FBLN1: variants seen among roughly 807,000 people sequenced by gnomAD.
FBLN1 encodes fibulin-1.
A neutral mutation model predicts 89.7 loss-of-function variants in FBLN1; 34 were observed. The ratio of observed to expected loss-of-function variants is 0.38; its 90% CI spans 0.29 to 0.50. The LOEUF (loss-of-function observed/expected upper bound fraction) is 0.50, where lower values mean the gene tolerates loss of function less well. FBLN1 is among the 20% of genes least tolerant of loss of function. FBLN1 has a pLI of 0.92. For synonymous variants in FBLN1, 393 were observed against 391.3 expected (o/e 1.00, Z -0.05); for missense variants, 777 against 988.1 (o/e 0.79, Z 2.86).
intron 2 of FBLN1, among the ~76,000 whole-genome samples, chr22:45,519,898 G>A (rs1043194431): frequency 2.3e-4 from 35 of 152,084 alleles, no homozygotes; most frequent in African/African-American, 6.5e-4. Context: ...ACCCGGGCGC[G>A]GTGGCTCACC....
intron 11 of FBLN1, among the ~76,000 whole-genome samples, chr22:45,546,685 G>A (rs566515802): frequency 4.6e-5 from 7 of 152,362 alleles, no homozygotes; most frequent in Middle Eastern, 3.4e-3. Flanking sequence ...GAGTACTGGC[G>A]TATGGGCTGG....
In FBLN1 at chr22:45,581,970, G is replaced by A. The variant is rs1365539108; in HGVS notation, c.1972+4862G>A. 6.6e-6 allele frequency among the ~76,000 whole-genome samples: 1 copy of A among 152,164 alleles called. No homozygotes were observed. Among genetic ancestry groups the A allele is most frequent in the Admixed American group, 6.5e-5 (1 of 15,286 alleles). ...CTGTCCTGGGGACCACGGGAGCCAC[G>A]GGAGGTCTGTGCTGCCCATGGAGCT... is the stretch of plus-strand genomic sequence containing the variant. On this transcript the variant is annotated intron_variant, in intron 16 of 16. Transcript: ENST00000327858. The surrounding 1 kb of genome is among the most constrained non-coding windows in gnomAD (Gnocchi z 7.6).
intron 16 of FBLN1, among the ~76,000 whole-genome samples, chr22:45,586,822 G>C (rs992816448): frequency 6.6e-6 from 1 of 152,096 alleles, no homozygotes; most frequent in Non-Finnish European, 1.5e-5. Flanking sequence ...GAGTCAGCCC[G>C]AGGGCCCAGG....
At chr22:45,544,160 C>T (rs1406975199) in intron 11 of FBLN1, among the ~76,000 whole-genome samples, 1 of 151,988 alleles carries the variant, frequency 6.6e-6, no homozygotes, top group East Asian at 1.9e-4. Flanking sequence ...GATCTCGGCT[C>T]ACTGCAACCT....
At chr22:45,593,271 G>C (rs2089155126) in intron 16 of FBLN1, among the ~76,000 whole-genome samples, 1 of 151,688 alleles carries the variant, frequency 6.6e-6, no homozygotes, top group African/African-American at 2.4e-5. Context: ...CGAGAATGTG[G>C]ACCACAGAGC....
At position 45,563,411 on chromosome 22, in the gene FBLN1, T is replaced by C; in HGVS notation, c.1698-11100T>C. On this transcript the variant is annotated intron_variant, in intron 14 of 16. Transcript: ENST00000327858. This position sits in a 1 kb window ranked among gnomAD's most constrained non-coding sequence, Gnocchi z 5.7. ...TGGCATGGTTGGGAGTCTGTGCCGCTTGTTACCCGGGGGTGAGCTGGGCAC... is the reference window on the plus strand; with the variant it reads ...TGGCATGGTTGGGAGTCTGTGCCGCCTGTTACCCGGGGGTGAGCTGGGCAC... 6.6e-7 allele frequency: 1 copy of C among 1,507,758 alleles called. No individual in the cohort carries two copies. Among genetic ancestry groups the C allele is most frequent in the Non-Finnish European group, 8.9e-7 (1 of 1,129,382 alleles). The allele number at this position is 1,507,758 out of a possible 1,614,324, so 93.4% of individuals were successfully genotyped here.
chr22:45,596,336 C>T (rs950635734), intron 16 of FBLN1, among the ~76,000 whole-genome samples: 2 of 152,178 alleles, frequency 1.3e-5, no homozygotes, highest in Non-Finnish European at 2.9e-5. Flanking sequence ...ACATGGAGCT[C>T]ACTGCATGAG....
At chr22:45,560,597 A>T (rs1430445229) in intron 14 of FBLN1, among the ~76,000 whole-genome samples, 1 of 152,202 alleles carries the variant, frequency 6.6e-6, no homozygotes, top group African/African-American at 2.4e-5. Context: ...GCAACATTAA[A>T]TGCAGAGTCC....
intron 16 of FBLN1, among the ~76,000 whole-genome samples, chr22:45,593,660 C>T (rs1231949636): frequency 3.3e-5 from 5 of 152,174 alleles, no homozygotes; most frequent in African/African-American, 4.8e-5. Flanking sequence ...TTTGTCCTGC[C>T]TTTTACTGCT....
rs79955674 is a variant in FBLN1 at position 45,541,071 on chromosome 22, C to G, written c.923-158C>G. On this transcript the variant is annotated intron_variant, in intron 8 of 16. Transcript: ENST00000327858. The stretch of plus-strand genomic sequence containing the variant: ...TGCAGTGATAAAATTTGGGAGCCAG[C>G]TGGGAGGCGGCTGTGTGGTCCAGAG... Among the ~76,000 whole-genome samples the G allele has an allele frequency of 7.1e-3, 1,074 of 152,308 alleles. 9 individuals carry two copies. The highest frequency in any genetic ancestry group is 0.023 in the African/African-American group (973 of 41,586).
chr22:45,521,699 G>A (rs1248239816), intron 2 of FBLN1, among the ~76,000 whole-genome samples: 1 of 152,274 alleles, frequency 6.6e-6, no homozygotes, highest in Non-Finnish European at 1.5e-5. Flanking sequence ...GGGGGTCCTC[G>A]GGTGAGCAGG....
At chr22:45,570,339 AGAAAAGAAAAGAAAAG>A (rs2088941671) in intron 14 of FBLN1, among the ~76,000 whole-genome samples, 3 of 78,180 alleles carry the variant, frequency 3.8e-5, no homozygotes, top group Middle Eastern at 8.5e-3. Flanking sequence ...AAAAAAAAAA[AGAAAAGAAAAGAAAAG>A]AAAAAAAAAA....
At chr22:45,599,364 T>G (rs2089211980) in intron 16 of FBLN1, among the ~76,000 whole-genome samples, 1 of 152,194 alleles carries the variant, frequency 6.6e-6, no homozygotes, top group Admixed American at 6.5e-5. Flanking sequence ...TCACAAACAC[T>G]GAACAGTGAG....
At chr22:45,565,007 C>T in intron 14 of FBLN1, 1 of 1,613,402 alleles carries the variant, frequency 6.2e-7, no homozygotes, top group Non-Finnish European at 8.5e-7. Flanking sequence ...GAAGATGGAC[C>T]TGGACAGACA....
chr22:45,571,468 C>T (rs1165923233), intron 14 of FBLN1, among the ~76,000 whole-genome samples: 1 of 152,114 alleles, frequency 6.6e-6, no homozygotes, highest in Non-Finnish European at 1.5e-5. Flanking sequence ...AGACATAGCA[C>T]ATTTATTTTT....
At chr22:45,591,416 T>C (rs1056466797) in intron 16 of FBLN1, among the ~76,000 whole-genome samples, 2 of 129,826 alleles carry the variant, frequency 1.5e-5, no homozygotes, top group Non-Finnish European at 3.0e-5. Flanking sequence ...AGGGGAAAGG[T>C]GCACCCTGAA....
chr22:45,527,468 G>A lies in FBLN1; in HGVS notation c.322-379G>A, dbSNP rs919694442. ...TAGAGAAATCTCAGACCATGCAAAA[G>A]GAACAGAACTTTGGAGCTGGTGCAT... On this transcript the variant is annotated intron_variant, in intron 3 of 16. Coordinates refer to ENST00000327858, the MANE Select transcript of FBLN1 (RefSeq NM_006486.3). 2.6e-5 allele frequency among the ~76,000 whole-genome samples: 4 copies of A among 152,156 alleles called. No individual in the cohort carries two copies. The South Asian group carries it at 8.3e-4, about 32-fold the overall frequency.
chr22:45,588,489 CCT>C lies in FBLN1; in HGVS notation c.1972+11382_1972+11383del, dbSNP rs1314306263. Among the ~76,000 whole-genome samples the C allele has an allele frequency of 6.6e-6, 1 of 152,146 alleles. No individual in the cohort carries two copies. Among genetic ancestry groups the C allele is most frequent in the Non-Finnish European group, 1.5e-5 (1 of 68,024 alleles). On this transcript the variant is annotated intron_variant, in intron 16 of 16. Transcript: ENST00000327858. The surrounding 1 kb of genome is among the most constrained non-coding windows in gnomAD (Gnocchi z 5.1). ...TTCGTGCAAGGCTACCCTCTGTCAC[CCT>C]GTTTGTCCTTGCTTCTTATACACAC...
At chr22:45,506,172 T>C (rs1014615763) in intron 1 of FBLN1, among the ~76,000 whole-genome samples, 1 of 152,250 alleles carries the variant, frequency 6.6e-6, no homozygotes, top group Non-Finnish European at 1.5e-5. Context: ...TGGCGGCTCC[T>C]TGGAGGAGAT....
Sources: allele counts gnomAD v4.1 joint callset (sites outside exome capture counted in the v4.1 genomes callset), GRCh38; gene constraint gnomAD v4.1.1; non-coding constraint Gnocchi (gnomAD v3.1); transcripts MANE v1.5; gene names NCBI Gene and HGNC (gene_info 2026-07-23, HGNC 2026-07-21).